Variants in STXBP5 observed in about 807,000 individuals in gnomAD.
The protein encoded by STXBP5 is syntaxin-binding protein 5.
STXBP5 carries 50 observed loss-of-function variants against 152.4 expected under a neutral mutation model. That is an observed-to-expected ratio of 0.33 (90% CI 0.26 to 0.42). STXBP5 has a LOEUF of 0.42. Among genes scored for constraint, STXBP5 ranks in the 10% least tolerant of loss-of-function variants. The pLI is 1.00. For missense variants in STXBP5, 1,167 were observed against 1,388.6 expected, an observed-to-expected ratio of 0.84 and a Z score of 2.54; for synonymous variants, 492 against 494.7, an observed-to-expected ratio of 0.99 and a Z score of 0.07.
intron 19 of STXBP5, among the ~76,000 whole-genome samples, chr6:147,338,651 A>G (rs181802039): frequency 2.0e-3 from 310 of 151,804 alleles, no homozygotes; most frequent in African/African-American, 7.2e-3. Context: ...GAACATATCT[A>G]CAAATATAAG....
Position 147,359,242 on chromosome 6 carries a change from G to A in STXBP5, c.2464G>A (p.Gly822Arg). Reference protein sequence around the residue: ...SPCLWVGTTLGTVLVIALNLP... With the variant: ...SPCLWVGTTLRTVLVIALNLP... ...TTGTCTATGGGTTGGAACAACGCTA[G>A]GAACAGTGCTTGTCATTGCACTGAA... The change falls in exon 23 of 28, where the codon GGA becomes AGA. Residue 822 changes from glycine to arginine, a missense_variant. Physicochemically the swap from Gly to Arg is moderately radical, Grantham distance 125. Transcript: ENST00000321680. 6.2e-7 allele frequency: 1 copy of A among 1,614,070 alleles called. No individual in the cohort carries two copies. The highest frequency in any genetic ancestry group is 8.5e-7 in the Non-Finnish European group (1 of 1,179,948).
chr6:147,229,954 C>T (rs1777913037), intron 2 of STXBP5, among the ~76,000 whole-genome samples: 1 of 151,838 alleles, frequency 6.6e-6, no homozygotes. Context: ...GGAAAGCATT[C>T]AGTCCTTCAC....
intron 6 of STXBP5, among the ~76,000 whole-genome samples, chr6:147,264,466 TC>T (rs1218429610): frequency 6.6e-6 from 1 of 152,134 alleles, no homozygotes; most frequent in Non-Finnish European, 1.5e-5. Flanking sequence ...CATTATGTGT[TC>T]CATAGATACA....
intron 2 of STXBP5, among the ~76,000 whole-genome samples, chr6:147,207,956 T>A (rs1455289358): frequency 6.6e-6 from 1 of 152,166 alleles, no homozygotes; most frequent in Non-Finnish European, 1.5e-5. Context: ...CTAATGCATT[T>A]GTGTAATTAG....
chr6:147,206,112 C>T (rs761571923), intron 2 of STXBP5, 44 bp downstream of exon 2: 2 of 1,540,540 alleles, frequency 1.3e-6, no homozygotes, highest in Non-Finnish European at 1.8e-6. Flanking sequence ...ACTTTGTTCT[C>T]CCCAGTCCTT....
chr6:147,335,003 C>T (rs780595850), intron 19 of STXBP5, among the ~76,000 whole-genome samples: 13 of 152,066 alleles, frequency 8.5e-5, no homozygotes, highest in Non-Finnish European at 1.6e-4. Flanking sequence ...TACTCCCTCA[C>T]ATTTTAGTGT....
rs185022390 is a variant in STXBP5 at position 147,382,615 on chromosome 6, C to G, written c.3194-163C>G. ...AAAAAGTATCTAAAAATTATTAAAC[C>G]AATCATAACAAAAGAAAGCATGTAT... On this transcript the variant is annotated intron_variant, in intron 26 of 27. Transcript: ENST00000321680. 7.0e-4 allele frequency among the ~76,000 whole-genome samples: 106 copies of G among 152,028 alleles called. 1 individual carries two copies. The highest frequency in any genetic ancestry group is 1.3e-3 in the Non-Finnish European group (86 of 67,966).
intron 21 of STXBP5, among the ~76,000 whole-genome samples, chr6:147,350,132 T>G (rs1784522376): frequency 6.6e-6 from 1 of 152,174 alleles, no homozygotes; most frequent in African/African-American, 2.4e-5. Flanking sequence ...TTGTGTGTGA[T>G]TTTAACCTCT....
At chr6:147,245,993 G>A (rs761487380) in intron 4 of STXBP5, among the ~76,000 whole-genome samples, 39 of 152,154 alleles carry the variant, frequency 2.6e-4, no homozygotes, top group Non-Finnish European at 2.6e-4. Flanking sequence ...CACCCATGCT[G>A]TGGTGATTTG....
chr6:147,221,052 T>C (rs1002259348), intron 2 of STXBP5, among the ~76,000 whole-genome samples: 1 of 152,112 alleles, frequency 6.6e-6, no homozygotes, highest in Non-Finnish European at 1.5e-5. Flanking sequence ...ATATCAGTTA[T>C]ACTTCTTTTA....
At chr6:147,264,470 T>C (rs918566420) in intron 6 of STXBP5, among the ~76,000 whole-genome samples, 1 of 152,162 alleles carries the variant, frequency 6.6e-6, no homozygotes, top group African/African-American at 2.4e-5. Context: ...ATGTGTTCCA[T>C]AGATACAGAG....
intron 26 of STXBP5, among the ~76,000 whole-genome samples, chr6:147,376,014 T>A (rs369313690): frequency 2.0e-5 from 3 of 152,246 alleles, no homozygotes; most frequent in East Asian, 3.9e-4. Flanking sequence ...AGGGTACACA[T>A]CAGATAGAAG....
intron 2 of STXBP5, among the ~76,000 whole-genome samples, chr6:147,213,475 T>TGCGCGCGCGC (rs1361174338): frequency 7.6e-5 from 10 of 132,176 alleles, no homozygotes; most frequent in African/African-American, 2.2e-4. Context: ...TGTGTGTGTG[T>TGCGCGCGCGC]GTGCGCGCGC....
intron 9 of STXBP5, among the ~76,000 whole-genome samples, chr6:147,302,065 T>C (rs987653517): frequency 6.6e-6 from 1 of 152,216 alleles, no homozygotes; most frequent in Non-Finnish European, 1.5e-5. Context: ...TATCCATGAC[T>C]CAATTTGAAG....
chr6:147,283,617 T>A (rs1562461069), intron 8 of STXBP5, among the ~76,000 whole-genome samples: 3 of 152,092 alleles, frequency 2.0e-5, no homozygotes, highest in Non-Finnish European at 4.4e-5. Context: ...TCTGAAGAGC[T>A]CCAGAGAAAC....
intron 6 of STXBP5, among the ~76,000 whole-genome samples, chr6:147,264,186 G>A (rs1779777112): frequency 6.6e-6 from 1 of 151,902 alleles, no homozygotes; most frequent in Non-Finnish European, 1.5e-5. Context: ...TAGACATTTT[G>A]TCATTGAAAA....
intron 2 of STXBP5, among the ~76,000 whole-genome samples, chr6:147,227,646 CTCCCCA>C (rs1777785335): frequency 6.6e-6 from 1 of 152,102 alleles, no homozygotes; most frequent in African/African-American, 2.4e-5. Flanking sequence ...TAGCTCTTGG[CTCCCCA>C]CTTTGTAAAT....
intron 16 of STXBP5, among the ~76,000 whole-genome samples, chr6:147,323,671 T>G (rs1783059127): frequency 6.6e-6 from 1 of 152,144 alleles, no homozygotes; most frequent in African/African-American, 2.4e-5. Flanking sequence ...TGATTATAGG[T>G]GTGAGCCACT....
At chr6:147,227,918 T>C (rs1777803805) in intron 2 of STXBP5, among the ~76,000 whole-genome samples, 1 of 152,120 alleles carries the variant, frequency 6.6e-6, no homozygotes, top group Non-Finnish European at 1.5e-5. Flanking sequence ...CCCTTATGCA[T>C]TGGCTGCTGT....
Sources: gnomAD v4.1 joint callset for allele counts (sites outside exome capture counted in the v4.1 genomes callset) on GRCh38, gnomAD v4.1.1 for gene constraint, MANE v1.5 for transcripts, NCBI Gene and HGNC (gene_info 2026-07-23, HGNC 2026-07-21) for gene names.